The following SKAP1 variants were observed in gnomAD, a reference collection of about 807,000 sequenced individuals.
SKAP1 encodes src kinase-associated phosphoprotein 1.
In SKAP1, 44 loss-of-function variants were observed where a neutral mutation model predicts 58.5. That is an observed-to-expected ratio of 0.75 (90% CI 0.59 to 0.97). SKAP1 has a LOEUF of 0.97. SKAP1 is among the 50% of genes least tolerant of loss of function. The pLI is 0.00. For synonymous variants in SKAP1, 127 were observed against 149.7 expected (o/e 0.85, Z 1.11); for missense variants, 390 against 435.2 (o/e 0.90, Z 0.92).
At chr17:48,175,640 A>C (rs1471683251) in intron 9 of SKAP1, among the ~76,000 whole-genome samples, 10 of 152,260 alleles carry the variant, frequency 6.6e-5, no homozygotes, top group Non-Finnish European at 1.5e-4. Flanking sequence ...TAACTTCACA[A>C]ATAATACCTA....
intron 2 of SKAP1, among the ~76,000 whole-genome samples, chr17:48,365,833 C>A (rs1421329499): frequency 7.9e-6 from 1 of 125,962 alleles, no homozygotes; most frequent in African/African-American, 3.0e-5. Flanking sequence ...TTATAGAATT[C>A]TTTTGCAGGG....
At chr17:48,356,476 C>G (rs1567880823) in intron 3 of SKAP1, among the ~76,000 whole-genome samples, 1 of 151,976 alleles carries the variant, frequency 6.6e-6, no homozygotes, top group Non-Finnish European at 1.5e-5. Context: ...GTTCATCTAT[C>G]CTCTCTTCTC....
chr17:48,252,513 T>A (rs1435237622), intron 4 of SKAP1, among the ~76,000 whole-genome samples: 10 of 152,214 alleles, frequency 6.6e-5, no homozygotes, highest in Non-Finnish European at 1.3e-4. Context: ...AGGCAACCAG[T>A]GACTTCTAGG....
chr17:48,307,737 CT>C (rs2144161223), intron 4 of SKAP1: 1 of 152,174 alleles, frequency 6.6e-6, no homozygotes, highest in African/African-American at 2.4e-5. Context: ...TGTTTTCATT[CT>C]TTTTTCCAAT....
At chr17:48,256,431 C>A (rs1486174974) in intron 4 of SKAP1, among the ~76,000 whole-genome samples, 1 of 152,056 alleles carries the variant, frequency 6.6e-6, no homozygotes, top group Non-Finnish European at 1.5e-5. Flanking sequence ...AATATCAAGT[C>A]TACAAATAAA....
chr17:48,389,564 TG>T (rs1364763921), intron 2 of SKAP1, among the ~76,000 whole-genome samples: 1 of 152,196 alleles, frequency 6.6e-6, no homozygotes, highest in African/African-American at 2.4e-5. Flanking sequence ...TTTAAATGCT[TG>T]GGGGCTAAAT....
intron 1 of SKAP1, among the ~76,000 whole-genome samples, chr17:48,421,385 C>G (rs2067791935): frequency 6.6e-6 from 1 of 151,322 alleles, no homozygotes; most frequent in East Asian, 1.9e-4. Context: ...CTCACTGCAA[C>G]CTCTGCCTCC....
At chr17:48,201,520 C>CT (rs1295908946) in intron 4 of SKAP1, among the ~76,000 whole-genome samples, 6 of 152,034 alleles carry the variant, frequency 3.9e-5, no homozygotes, top group Non-Finnish European at 7.4e-5. Flanking sequence ...GTAGCTTGGA[C>CT]TACTTGGTGT....
chr17:48,155,177 G>C (rs2063957619), intron 11 of SKAP1, among the ~76,000 whole-genome samples: 1 of 151,608 alleles, frequency 6.6e-6, no homozygotes, highest in African/African-American at 2.4e-5. Context: ...ATCCAGACTG[G>C]AGTGCAATGG....
chr17:48,185,117 T>G (rs984710779), intron 6 of SKAP1: 5 of 350,250 alleles, frequency 1.4e-5, no homozygotes, highest in Non-Finnish European at 2.6e-5. Context: ...TGTTAAGAGA[T>G]CTATAACAAC....
At chr17:48,435,221 C>T (rs1017065986), upstream of SKAP1, among the ~76,000 whole-genome samples, 9 of 151,724 alleles carry the variant, frequency 5.9e-5, no homozygotes, top group African/African-American at 1.9e-4. Context: ...CTCTATTGTT[C>T]CCAATCCTTT....
At chr17:48,291,963 A>G (rs1164553376) in intron 4 of SKAP1, among the ~76,000 whole-genome samples, 1 of 152,172 alleles carries the variant, frequency 6.6e-6, no homozygotes, top group South Asian at 2.1e-4. Flanking sequence ...AGCTGTTGTT[A>G]GCTTTGGAGA....
chr17:48,377,286 G>A (rs1334695744), intron 2 of SKAP1: 1 of 152,040 alleles, frequency 6.6e-6, no homozygotes, highest in Non-Finnish European at 1.5e-5. Context: ...AAACTTTACT[G>A]TAGTGCAGCC....
chr17:48,138,228 G>A (rs181008330), intron 11 of SKAP1, among the ~76,000 whole-genome samples: 2 of 150,850 alleles, frequency 1.3e-5, no homozygotes, highest in East Asian at 2.0e-4. Flanking sequence ...TTTTTGAGAC[G>A]GAGTCTCGCA....
At chr17:48,268,495 T>TA (rs2065584344) in intron 4 of SKAP1, among the ~76,000 whole-genome samples, 1 of 150,936 alleles carries the variant, frequency 6.6e-6, no homozygotes, top group African/African-American at 2.4e-5. Flanking sequence ...TCAAGTTAAT[T>TA]TTTTTTTGTT....
chr17:48,284,819 A>G (rs1354190862), intron 4 of SKAP1, among the ~76,000 whole-genome samples: 1 of 152,214 alleles, frequency 6.6e-6, no homozygotes, highest in Non-Finnish European at 1.5e-5. Context: ...TGGTGGAGAC[A>G]TACATGGTAA....
chr17:48,143,537 A>G (rs982383136), intron 11 of SKAP1, among the ~76,000 whole-genome samples: 2 of 152,056 alleles, frequency 1.3e-5, no homozygotes, highest in African/African-American at 4.8e-5. Flanking sequence ...GGTACAAGAT[A>G]TGTTACTGTC....
At chr17:48,208,696 A>T (rs2064836794) in intron 4 of SKAP1, among the ~76,000 whole-genome samples, 1 of 152,256 alleles carries the variant, frequency 6.6e-6, no homozygotes, top group East Asian at 1.9e-4. Context: ...TGAACAGTTT[A>T]CACCAACAAA....
intron 9 of SKAP1, among the ~76,000 whole-genome samples, chr17:48,171,078 A>C (rs1192332339): frequency 2.2e-5 from 3 of 135,154 alleles, no homozygotes; most frequent in Non-Finnish European, 4.8e-5. Context: ...CTTTAAGGAA[A>C]GTTTAATTAC....
Sources: gnomAD v4.1 joint callset for allele counts (sites outside exome capture counted in the v4.1 genomes callset) on GRCh38, gnomAD v4.1.1 for gene constraint, MANE v1.5 for transcripts, NCBI Gene and HGNC (gene_info 2026-07-23, HGNC 2026-07-21) for gene names.